Variants in SNRNP27 observed in about 807,000 individuals in gnomAD.
SNRNP27 encodes the protein U4/U6.U5 small nuclear ribonucleoprotein 27 kDa protein.
In SNRNP27, 22 loss-of-function variants were observed where a neutral mutation model predicts 25.1. The ratio of observed to expected loss-of-function variants is 0.88; its 90% CI spans 0.63 to 1.25. The LOEUF (loss-of-function observed/expected upper bound fraction) is 1.25, where lower values mean the gene tolerates loss of function less well. Among genes scored for constraint, SNRNP27 ranks in the 50% most tolerant of loss-of-function variants. The probability of loss-of-function intolerance (pLI) is 0.00; values close to 1 mark genes in which losing one functional copy is unlikely to be tolerated. For missense variants in SNRNP27, 150 were observed against 202.3 expected, an observed-to-expected ratio of 0.74 and a Z score of 1.57; for synonymous variants, 66 against 64.9, an observed-to-expected ratio of 1.02 and a Z score of -0.08.
rs1287160985 is a variant in SNRNP27, at chr2:69,895,155, G to A, written c.96G>A (p.Arg32=). The change falls in exon 2 of 6, where the codon AGG becomes AGA. Residue 32 remains arginine (R), a synonymous_variant. Transcript: ENST00000244227. ...AACGCAGGCGCCGAGAAAGGTCCAG[G>A]TCTCGGGAGAGAGATCGGAGAAGGA... The part of the protein sequence containing the change: ...ERERRRRERS[R]SRERDRRRSR... 2 of 1,613,950 alleles carry A rather than the reference G, an allele frequency of 1.2e-6. No individual in the cohort carries two copies. Among genetic ancestry groups the A allele is most frequent in the African/African-American group, 1.3e-5 (1 of 74,932 alleles).
chr2:69,895,694 G>A (rs778908709), intron 2 of SNRNP27, among the ~76,000 whole-genome samples: 1 of 152,128 alleles, frequency 6.6e-6, no homozygotes, highest in Non-Finnish European at 1.5e-5. Flanking sequence ...AAGTAGCTGG[G>A]ACTACAGGCA....
chr2:69,894,129 C>A, intron 1 of SNRNP27, 111 bp downstream of exon 1: 1 of 1,011,732 alleles, frequency 9.9e-7, no homozygotes, highest in Non-Finnish European at 1.5e-6. Flanking sequence ...GGCCCTTTTC[C>A]CAGGCGGAGA....
intron 4 of SNRNP27, among the ~76,000 whole-genome samples, chr2:69,901,596 G>C (rs879476650): frequency 7.9e-5 from 12 of 152,128 alleles, no homozygotes; most frequent in Non-Finnish European, 1.2e-4. Context: ...CAGCAGAATT[G>C]CTTGAGACCA....
rs1300613918 is a variant in SNRNP27, at chr2:69,904,317, G to A, written c.*9G>A. ...TGGATTTCATTGCATGAGAATTGAA[G>A]TGTTGAAGGATGATTTTTTTTCCCC... On this transcript the variant is annotated 3_prime_UTR_variant, in exon 6 of 6. Transcript: ENST00000244227. 3.1e-6 allele frequency: 5 copies of A among 1,608,166 alleles called. No individual in the cohort carries two copies. The highest frequency in any genetic ancestry group is 1.7e-5 in the Admixed American group (1 of 59,666).
At position 69,905,223 on chromosome 2, in the gene SNRNP27, C is replaced by T. The variant is rs1424876471; in HGVS notation, c.*915C>T. On this transcript the variant is annotated 3_prime_UTR_variant, in exon 6 of 6. Coordinates refer to ENST00000244227, the MANE Select transcript of SNRNP27 (RefSeq NM_006857.3). Reference sequence around the variant, plus strand: ...AATTAAAACTGTGACTACTATCTGTCTCCATTACATACATATTTTTGTATG... The same window carrying T: ...AATTAAAACTGTGACTACTATCTGTTTCCATTACATACATATTTTTGTATG... 1 of 152,118 alleles carries T rather than the reference C, an allele frequency of 6.6e-6. No individual in the cohort carries two copies. The highest frequency in any genetic ancestry group is 1.5e-5 in the Non-Finnish European group (1 of 68,010). 9.4% of individuals were successfully genotyped at this position (152,118 alleles called of 1,614,324 possible).
rs373820148 is a variant in SNRNP27, at chr2:69,900,366, G to T, written c.349-2815G>T. ...TTTAGGAATCGAACTTTGTAAAAAG[G>T]TTATCATCATTTACTTTTTTGTGCC... On this transcript the variant is annotated intron_variant, in intron 4 of 5. Transcript: ENST00000244227. Among the ~76,000 whole-genome samples, 16 of 152,214 alleles carry T rather than the reference G, an allele frequency of 1.1e-4. No homozygotes were observed. The East Asian group carries it at 3.1e-3, about 29-fold the overall frequency.
In SNRNP27 at chr2:69,904,421, G is replaced by A. The variant is rs541499519; in HGVS notation, c.*113G>A. 1.3e-4 allele frequency: 105 copies of A among 833,688 alleles called. 1 individual carries two copies. The African/African-American group carries it at 1.6e-3, about 13-fold the overall frequency. 51.6% of individuals were successfully genotyped at this position (833,688 alleles called of 1,614,324 possible). A position where few individuals can be genotyped will look rare whatever the true frequency, so the allele number is the denominator to read the frequency against. Reference sequence around the variant, plus strand: ...AACAGGATCTCAGTTCTCCTTTCTTGTAAAGTAAGAAAATCTTATTTATGA... The same window carrying A: ...AACAGGATCTCAGTTCTCCTTTCTTATAAAGTAAGAAAATCTTATTTATGA... On this transcript the variant is annotated 3_prime_UTR_variant, in exon 6 of 6. Transcript: ENST00000244227.
intron 3 of SNRNP27, among the ~76,000 whole-genome samples, chr2:69,896,824 C>T (rs144081675): frequency 6.6e-6 from 1 of 151,950 alleles, no homozygotes; most frequent in African/African-American, 2.4e-5. Flanking sequence ...CAGGCACCCG[C>T]CACTATGCCC....
intron 4 of SNRNP27, chr2:69,897,786 G>T: frequency 5.0e-6 from 1 of 201,736 alleles, no homozygotes; most frequent in Non-Finnish European, 1.0e-5. Context: ...TTTCAGATTC[G>T]ACCAGGGATA....
chr2:69,896,889 G>T (rs1264316185), intron 3 of SNRNP27, among the ~76,000 whole-genome samples: 1 of 152,028 alleles, frequency 6.6e-6, no homozygotes, highest in Admixed American at 6.6e-5. Flanking sequence ...AGCCAGGCTG[G>T]TCTCAAACTC....
chr2:69,900,728 C>T (rs1254256678), intron 4 of SNRNP27, among the ~76,000 whole-genome samples: 2 of 152,148 alleles, frequency 1.3e-5, no homozygotes, highest in Non-Finnish European at 2.9e-5. Context: ...GCTGATGATA[C>T]TCATCTAAGT....
chr2:69,899,452 CAG>C (rs1462065197), intron 4 of SNRNP27, among the ~76,000 whole-genome samples: 2 of 151,856 alleles, frequency 1.3e-5, no homozygotes, highest in Admixed American at 6.6e-5. Flanking sequence ...TTTTTCGAGA[CAG>C]AGTCTCGCTC....
Position 69,903,447 on chromosome 2 carries a change from G to A in SNRNP27, c.413+202G>A, listed in dbSNP as rs143457950. The stretch of plus-strand genomic sequence containing the variant: ...TAAGCTAATAGCTATTAGAGAGAGG[G>A]TAGTTGGCTTAAATATTTTAGGACT... On this transcript the variant is annotated intron_variant, in intron 5 of 5. Coordinates refer to ENST00000244227, the MANE Select transcript of SNRNP27 (RefSeq NM_006857.3). 1.2e-4 allele frequency: 61 copies of A among 516,152 alleles called. No individual in the cohort carries two copies. The Admixed American group carries it at 1.2e-3, about 10-fold the overall frequency. 32.0% of individuals were successfully genotyped at this position (516,152 alleles called of 1,614,324 possible). A position where few individuals can be genotyped will look rare whatever the true frequency, so the allele number is the denominator to read the frequency against.
intron 2 of SNRNP27, 39 bp from the exon 3 acceptor site, chr2:69,896,397 T>C (rs1676599294): frequency 6.3e-6 from 10 of 1,592,554 alleles, no homozygotes; most frequent in Non-Finnish European, 8.6e-6. Flanking sequence ...AAAGTTGATA[T>C]GTCTGTCTGT....
chr2:69,902,111 T>C (rs1341288758), intron 4 of SNRNP27, among the ~76,000 whole-genome samples: 1 of 152,222 alleles, frequency 6.6e-6, no homozygotes, highest in Middle Eastern at 3.2e-3. Context: ...TTATACACGA[T>C]TGTAAAAATG....
At chr2:69,896,183 T>C (rs538243936) in intron 2 of SNRNP27, among the ~76,000 whole-genome samples, 46 of 152,324 alleles carry the variant, frequency 3.0e-4, no homozygotes, top group African/African-American at 1.1e-3. Context: ...TGTTAGAAAC[T>C]TTTAATTTAC....
rs1676556851 is a variant in SNRNP27 at position 69,894,168 on chromosome 2, T to C, written c.34+150T>C. ...AGGGGTGGATAAAGGAACGTAGACCTGGGCCCTGCCCTCTTCAGCCCGCCC... is the reference window on the plus strand; with the variant it reads ...AGGGGTGGATAAAGGAACGTAGACCCGGGCCCTGCCCTCTTCAGCCCGCCC... On this transcript the variant is annotated intron_variant, in intron 1 of 5. Coordinates refer to ENST00000244227, the MANE Select transcript of SNRNP27 (RefSeq NM_006857.3). 4.4e-6 allele frequency: 3 copies of C among 682,768 alleles called. No homozygotes were observed. In the South Asian group the frequency reaches 5.6e-5, roughly 13 times the overall value. 42.3% of individuals were successfully genotyped at this position (682,768 alleles called of 1,614,324 possible).
intron 1 of SNRNP27, among the ~76,000 whole-genome samples, chr2:69,894,390 G>A (rs1266735510): frequency 1.3e-5 from 2 of 152,182 alleles, no homozygotes; most frequent in South Asian, 2.1e-4. Context: ...GTCATTGAGG[G>A]TAGTATTGCC....
chr2:69,903,304 T>G, intron 5 of SNRNP27, 59 bp downstream of exon 5: 1 of 1,168,976 alleles, frequency 8.6e-7, no homozygotes, highest in Non-Finnish European at 1.3e-6. Context: ...ACTTCAAACT[T>G]TATTATGAGA....
Sources: gnomAD v4.1 joint callset for allele counts (sites outside exome capture counted in the v4.1 genomes callset) on GRCh38, gnomAD v4.1.1 for gene constraint, MANE v1.5 for transcripts, NCBI Gene and HGNC (gene_info 2026-07-23, HGNC 2026-07-21) for gene names.